The following EPHA5 variants were observed in gnomAD, a reference collection of about 807,000 sequenced individuals.
EPHA5 encodes EPH receptor A5.
In EPHA5, 60 loss-of-function variants were observed where a neutral mutation model predicts 105.0. That is an observed-to-expected ratio of 0.57 (90% confidence interval 0.46 to 0.71). The LOEUF is 0.71. Among genes scored for constraint, EPHA5 ranks in the 30% least tolerant of loss-of-function variants. EPHA5 has a pLI of 0.00. For missense variants in EPHA5, 1,218 were observed against 1,274.7 expected (o/e 0.96, Z 0.68); for synonymous variants, 513 against 449.1 (o/e 1.14, Z -1.80).
intron 16 of EPHA5, among the ~76,000 whole-genome samples, chr4:65,324,714 A>G (rs1868847): frequency 0.071 from 10,538 of 149,390 alleles, 446 homozygotes; most frequent in Admixed American, 0.13. Context: ...GATAATCACC[A>G]CTACATTGCT....
chr4:65,634,285 G>C (rs1746911379), intron 2 of EPHA5, among the ~76,000 whole-genome samples: 1 of 152,024 alleles, frequency 6.6e-6, no homozygotes, highest in African/African-American at 2.4e-5. Flanking sequence ...TAAACACAGT[G>C]ATACCTAATG....
At chr4:65,490,798 GA>G in intron 4 of EPHA5, 86 bp from the exon 5 acceptor site, 3 of 1,335,628 alleles carry the variant, frequency 2.2e-6, no homozygotes, top group South Asian at 1.5e-5. Flanking sequence ...TGGTCTGAAG[GA>G]AAAAATAGAT....
At chr4:65,398,583 C>T (rs923236169) in intron 8 of EPHA5, among the ~76,000 whole-genome samples, 3 of 152,134 alleles carry the variant, frequency 2.0e-5, no homozygotes, top group Admixed American at 1.3e-4. Flanking sequence ...TGCTTTCTCT[C>T]GCCTGCCTAT....
At chr4:65,335,090 C>G (rs1338334880) in intron 15 of EPHA5, among the ~76,000 whole-genome samples, 1 of 151,900 alleles carries the variant, frequency 6.6e-6, no homozygotes, top group Non-Finnish European at 1.5e-5. Flanking sequence ...ACTTTCATAA[C>G]TTTATTAACA....
At chr4:65,435,910 GTAAC>G (rs1235721839) in intron 5 of EPHA5, among the ~76,000 whole-genome samples, 5 of 151,944 alleles carry the variant, frequency 3.3e-5, no homozygotes, top group Non-Finnish European at 7.4e-5. Flanking sequence ...TTAATAAAAT[GTAAC>G]TATTCTATAA....
At chr4:65,587,965 C>CA (rs1742282696) in intron 3 of EPHA5, among the ~76,000 whole-genome samples, 1 of 152,048 alleles carries the variant, frequency 6.6e-6, no homozygotes, top group Admixed American at 6.6e-5. Flanking sequence ...GTCAAGGTGA[C>CA]AAAATTAAAT....
intron 8 of EPHA5, among the ~76,000 whole-genome samples, chr4:65,386,875 C>A (rs987145587): frequency 6.6e-6 from 1 of 151,620 alleles, no homozygotes; most frequent in African/African-American, 2.4e-5. Context: ...TTAAGAAATG[C>A]CTACCTAAAT....
In EPHA5 at chr4:65,433,331, G is replaced by A. The variant is rs78467633; in HGVS notation, c.1403-12766C>T. Among the ~76,000 whole-genome samples the A allele has an allele frequency of 2.2e-3, 328 of 152,164 alleles. 2 individuals carry two copies. Among genetic ancestry groups the A allele is most frequent in the African/African-American group, 7.7e-3 (320 of 41,496 alleles). On this transcript the variant is annotated intron_variant, in intron 5 of 16. Coordinates refer to ENST00000613740, the MANE Select transcript of EPHA5 (RefSeq NM_001281766.3). ...TAAATATAAAACAAAATATTCTAAT[G>A]CCCATTCTGATTACTAGGCCTCTCT...
At chr4:65,522,319 T>TATATATATATATATATAC (rs1734829204) in intron 3 of EPHA5, among the ~76,000 whole-genome samples, 1 of 75,946 alleles carries the variant, frequency 1.3e-5, no homozygotes, top group African/African-American at 3.3e-5. Flanking sequence ...TATATATGTA[T>TATATATATATATATATAC]ATATATATAT....
intron 3 of EPHA5, among the ~76,000 whole-genome samples, chr4:65,547,919 C>T (rs1737538892): frequency 6.6e-6 from 1 of 151,986 alleles, no homozygotes; most frequent in South Asian, 2.1e-4. Flanking sequence ...ATTCCTGAAA[C>T]TGGACTGAGA....
chr4:65,413,534 A>G (rs969309574), intron 7 of EPHA5, among the ~76,000 whole-genome samples: 1 of 152,052 alleles, frequency 6.6e-6, no homozygotes, highest in African/African-American at 2.4e-5. Flanking sequence ...TATTTTCTTT[A>G]TTTTAAAATT....
At chr4:65,543,802 C>T (rs188760856) in intron 3 of EPHA5, among the ~76,000 whole-genome samples, 107 of 152,092 alleles carry the variant, frequency 7.0e-4, no homozygotes, top group Middle Eastern at 6.8e-3. Flanking sequence ...CCAGCGATAT[C>T]ACACTACCTG....
At chr4:65,588,466 A>T (rs151232676) in intron 3 of EPHA5, among the ~76,000 whole-genome samples, 1 of 152,110 alleles carries the variant, frequency 6.6e-6, no homozygotes, top group East Asian at 1.9e-4. Context: ...ATCTCCTGAG[A>T]TCTGCTCAGG....
intron 16 of EPHA5, among the ~76,000 whole-genome samples, chr4:65,327,992 A>G (rs979475898): frequency 6.6e-6 from 1 of 151,166 alleles, no homozygotes; most frequent in Non-Finnish European, 1.5e-5. Context: ...TTTTTGAAAA[A>G]TAATTTGGAA....
At chr4:65,578,045 A>G (rs2149391906) in intron 3 of EPHA5, among the ~76,000 whole-genome samples, 1 of 152,330 alleles carries the variant, frequency 6.6e-6, no homozygotes, top group Admixed American at 6.5e-5. Flanking sequence ...ATTTCAATGC[A>G]TAAAAATAAG....
At chr4:65,510,321 A>G (rs1324684681) in intron 3 of EPHA5, among the ~76,000 whole-genome samples, 1 of 151,906 alleles carries the variant, frequency 6.6e-6, no homozygotes, top group Non-Finnish European at 1.5e-5. Context: ...CTGGGATTAC[A>G]GGCATGAGCC....
intron 14 of EPHA5, among the ~76,000 whole-genome samples, chr4:65,341,314 G>A (rs1271201472): frequency 6.6e-6 from 1 of 152,018 alleles, no homozygotes; most frequent in Non-Finnish European, 1.5e-5. Context: ...GCTAGGAAGT[G>A]GGGGTGGCAG....
At chr4:65,345,716 C>G (rs148857834) in intron 14 of EPHA5, among the ~76,000 whole-genome samples, 44 of 152,364 alleles carry the variant, frequency 2.9e-4, no homozygotes, top group Admixed American at 7.2e-4. Context: ...ATTTGTCTCA[C>G]AGGAGGCATC....
At chr4:65,629,236 A>G (rs1044631957) in intron 2 of EPHA5, among the ~76,000 whole-genome samples, 3 of 152,248 alleles carry the variant, frequency 2.0e-5, no homozygotes, top group African/African-American at 7.2e-5. Flanking sequence ...TGTTAGATGC[A>G]GCACAAGGAC....
Sources: allele counts gnomAD v4.1 joint callset (sites outside exome capture counted in the v4.1 genomes callset), GRCh38; gene constraint gnomAD v4.1.1; transcripts MANE v1.5; gene names NCBI Gene and HGNC (gene_info 2026-07-23, HGNC 2026-07-21).